GRP: variants seen among roughly 807,000 people sequenced by gnomAD.
The protein encoded by GRP is gastrin releasing peptide, also known as gastrin-releasing peptide.
In GRP, 11 loss-of-function variants were observed where a neutral mutation model predicts 12.7. The ratio of observed to expected loss-of-function variants is 0.87; its 90% CI spans 0.55 to 1.44. The LOEUF (loss-of-function observed/expected upper bound fraction) is 1.44. GRP is among the 40% of genes most tolerant of loss of function. The pLI is 0.00. For synonymous variants in GRP, 84 were observed against 77.7 expected (o/e 1.08, Z -0.43); for missense variants, 212 against 185.4 (o/e 1.14, Z -0.83).
chr18:59,226,072 T>C (rs934660549), intron 2 of GRP, among the ~76,000 whole-genome samples: 4 of 152,196 alleles, frequency 2.6e-5, no homozygotes, highest in Non-Finnish European at 5.9e-5. Context: ...TAAATCCTTG[T>C]GGATCTACAG....
intron 1 of GRP, among the ~76,000 whole-genome samples, chr18:59,221,429 G>A (rs1212624263): frequency 6.6e-6 from 1 of 151,892 alleles, no homozygotes; most frequent in East Asian, 1.9e-4. Flanking sequence ...CGGCGTCGCC[G>A]AGCATAGCTT....
At chr18:59,229,333 A>G (rs1334701651) in intron 2 of GRP, among the ~76,000 whole-genome samples, 3 of 152,118 alleles carry the variant, frequency 2.0e-5, no homozygotes, top group Admixed American at 6.5e-5. Flanking sequence ...TCTCTTATTC[A>G]ATATTTTGAG....
Position 59,230,447 on chromosome 18 carries a change from C to A in GRP, c.426C>A (p.Asn142Lys). The change falls in exon 3 of 3, where the codon AAC becomes AAA. Residue 142 changes from asparagine to lysine, a missense_variant. Asn to Lys is a moderately conservative substitution (Grantham distance 94, BLOSUM62 0). Coordinates refer to ENST00000256857, the MANE Select transcript of GRP (RefSeq NM_002091.5). ...SAPGSQREGR[N>K]PQLNQQ The stretch of plus-strand genomic sequence containing the variant: ...CAGGTTCTCAACGTGAAGGAAGGAA[C>A]CCCCAGCTGAACCAGCAATGATAAT... 1 of 1,596,876 alleles carries A rather than the reference C, an allele frequency of 6.3e-7. No individual in the cohort carries two copies. The highest frequency in any genetic ancestry group is 8.6e-7 in the Non-Finnish European group (1 of 1,164,262).
Position 59,220,371 on chromosome 18 carries a change from A to G in GRP, c.106A>G (p.Lys36Glu). Residue 36 changes from lysine (K) to glutamate (E), a missense_variant, in exon 1 of 3, where the codon AAG becomes GAG. Transcript: ENST00000256857. ...LPAGGGTVLTKMYPRGNHWAV... is the reference protein window; with the variant it reads ...LPAGGGTVLTEMYPRGNHWAV... ...TGCGGGCGGAGGGACCGTGCTGACC[A>G]AGATGTACCCGCGCGGCAACCACTG... 7.0e-7 allele frequency: 1 copy of G among 1,430,966 alleles called. No homozygotes were observed. The highest frequency in any genetic ancestry group is 9.2e-7 in the Non-Finnish European group (1 of 1,092,526). 88.6% of individuals were successfully genotyped at this position (1,430,966 alleles called of 1,614,324 possible).
chr18:59,221,255 A>G (rs923875442), intron 1 of GRP, among the ~76,000 whole-genome samples: 1 of 152,148 alleles, frequency 6.6e-6, no homozygotes, highest in African/African-American at 2.4e-5. Context: ...CTCCCTCGCC[A>G]TGGCCCCTAG....
intron 1 of GRP, among the ~76,000 whole-genome samples, chr18:59,224,027 C>T (rs55876673): frequency 0.04 from 6,160 of 152,278 alleles, 206 homozygotes; most frequent in African/African-American, 0.085. Flanking sequence ...TTACATAATG[C>T]ATCATGATAT....
intron 2 of GRP, among the ~76,000 whole-genome samples, chr18:59,230,180 G>T (rs1401957444): frequency 7.9e-5 from 12 of 152,124 alleles, no homozygotes; most frequent in Non-Finnish European, 1.8e-4. Context: ...GACAGCTCTG[G>T]TTCTCAAATT....
At chr18:59,220,123 CTT>C, upstream of GRP, 7 of 257,086 alleles carry the variant, frequency 2.7e-5, no homozygotes, top group African/African-American at 7.0e-5. Context: ...CCCGCCCGGG[CTT>C]CCATATAAAG....
intron 1 of GRP, among the ~76,000 whole-genome samples, chr18:59,223,267 G>A (rs1377281132): frequency 1.3e-5 from 2 of 152,216 alleles, no homozygotes; most frequent in Non-Finnish European, 2.9e-5. Context: ...TGGGAGAAGA[G>A]GTGGAAGTGG....
At chr18:59,219,388 GGA>G (rs1260484549), upstream of GRP, among the ~76,000 whole-genome samples, 8 of 146,890 alleles carry the variant, frequency 5.4e-5, no homozygotes, top group African/African-American at 2.0e-4. Flanking sequence ...CAGCAGAGGG[GGA>G]GAGAGAGACA....
At chr18:59,224,972 G>A (rs904316721) in intron 1 of GRP, among the ~76,000 whole-genome samples, 1 of 151,898 alleles carries the variant, frequency 6.6e-6, no homozygotes, top group Admixed American at 6.6e-5. Context: ...TTTTTATTAC[G>A]ATAAAAGGAA....
chr18:59,227,679 C>G (rs2069965603), intron 2 of GRP, among the ~76,000 whole-genome samples: 1 of 152,174 alleles, frequency 6.6e-6, no homozygotes, highest in Non-Finnish European at 1.5e-5. Flanking sequence ...TGTTACTATT[C>G]TATAGTGCCT....
At chr18:59,226,100 G>C (rs1374856651) in intron 2 of GRP, among the ~76,000 whole-genome samples, 1 of 151,932 alleles carries the variant, frequency 6.6e-6, no homozygotes, top group Non-Finnish European at 1.5e-5. Context: ...TTTATTTCTG[G>C]TGAACACTAG....
chr18:59,224,207 A>G (rs1197070229), intron 1 of GRP, among the ~76,000 whole-genome samples: 1 of 152,170 alleles, frequency 6.6e-6, no homozygotes. Flanking sequence ...TAATCCTAAA[A>G]TAGTTGCTTA....
At chr18:59,220,107 A>ACCCCCC, upstream of GRP, 1 of 198,492 alleles carries the variant, frequency 5.0e-6, no homozygotes, top group Non-Finnish European at 1.0e-5. Flanking sequence ...AGAGCCCCCC[A>ACCCCCC]GCCCCCCCGC....
Position 59,220,370 on chromosome 18 carries a change from C to T in GRP, c.105C>T (p.Thr35=). The T allele has an allele frequency of 7.0e-7, 1 of 1,431,668 alleles. No individual in the cohort carries two copies. Among genetic ancestry groups the T allele is most frequent in the Non-Finnish European group, 9.1e-7 (1 of 1,092,994 alleles). The allele number at this position is 1,431,668 out of a possible 1,614,324, so 88.7% of individuals were successfully genotyped here. A position where few individuals can be genotyped will look rare whatever the true frequency, so the allele number is the denominator to read the frequency against. ...CTGCGGGCGGAGGGACCGTGCTGAC[C>T]AAGATGTACCCGCGCGGCAACCACT... ...PLPAGGGTVL[T]KMYPRGNHWA... is the part of the protein sequence containing the mutation. Residue 35 remains threonine (T), a synonymous_variant, in exon 1 of 3, where the codon ACC becomes ACT. Transcript: ENST00000256857.
intron 2 of GRP, 86 bp from the exon 3 acceptor site, chr18:59,230,318 T>G: frequency 1.2e-6 from 1 of 814,130 alleles, no homozygotes; most frequent in Non-Finnish European, 2.2e-6. Flanking sequence ...TCCCAAGTGA[T>G]GCTGATGACT....
Position 59,225,524 on chromosome 18 carries a change from T to G in GRP, c.172T>G (p.Ser58Ala). The change falls in exon 2 of 3, where the codon TCT becomes GCT. Residue 58 changes from serine to alanine, a missense_variant. Coordinates refer to ENST00000256857, the MANE Select transcript of GRP (RefSeq NM_002091.5). Reference sequence around the variant, plus strand: ...AATGGGGAAAAAGAGCACAGGGGAGTCTTCTTCTGTTTCTGAGAGAGGGAG... The same window carrying G: ...AATGGGGAAAAAGAGCACAGGGGAGGCTTCTTCTGTTTCTGAGAGAGGGAG... ...HLMGKKSTGE[S>A]SSVSERGSLK... 1 of 1,613,136 alleles carries G rather than the reference T, an allele frequency of 6.2e-7. No homozygotes were observed. Among genetic ancestry groups the G allele is most frequent in the South Asian group, 1.1e-5 (1 of 90,902 alleles).
Position 59,220,324 on chromosome 18 carries a change from G to A in GRP, c.59G>A (p.Arg20Gln). The change falls in exon 1 of 3, where the codon CGG becomes CAG. Residue 20 changes from arginine (R) to glutamine (Q), a missense_variant. Transcript: ENST00000256857. Reference sequence around the variant, plus strand: ...GCGCTGGTCCTCTGCCTGGCGCCCCGGGGGCGAGCGGTCCCGCTGCCTGCG... The same window carrying A: ...GCGCTGGTCCTCTGCCTGGCGCCCCAGGGGCGAGCGGTCCCGCTGCCTGCG... ...LLALVLCLAP[R>Q]GRAVPLPAGG... 1.3e-6 allele frequency: 2 copies of A among 1,495,348 alleles called. No homozygotes were observed. The highest frequency in any genetic ancestry group is 1.8e-6 in the Non-Finnish European group (2 of 1,126,008). 92.6% of individuals were successfully genotyped at this position (1,495,348 alleles called of 1,614,324 possible). A position where few individuals can be genotyped will look rare whatever the true frequency, so the allele number is the denominator to read the frequency against.
Sources: allele counts gnomAD v4.1 joint callset (sites outside exome capture counted in the v4.1 genomes callset), GRCh38; gene constraint gnomAD v4.1.1; transcripts MANE v1.5; gene names NCBI Gene and HGNC (gene_info 2026-07-23, HGNC 2026-07-21).